Variants in RAB44 observed in about 807,000 individuals in gnomAD.
RAB44 encodes the protein ras-related protein Rab-44.
A neutral mutation model predicts 93.3 loss-of-function variants in RAB44; 67 were observed. That is an observed-to-expected ratio of 0.72 (90% CI 0.59 to 0.88). RAB44 has a LOEUF of 0.88. Ranked by LOEUF, RAB44 falls within the 40% of genes least tolerant of loss-of-function variation. RAB44 has a pLI of 0.00. For synonymous variants in RAB44, 427 were observed against 520.3 expected (o/e 0.82, Z 2.44); for missense variants, 1,064 against 1,261.7 (o/e 0.84, Z 2.37).
At chr6:36,704,028 C>G (rs559134659) in intron 1 of RAB44, among the ~76,000 whole-genome samples, 196 bp from the exon 2 acceptor site, 2 of 152,238 alleles carry the variant, frequency 1.3e-5, no homozygotes, top group South Asian at 4.1e-4. Flanking sequence ...AGGGCAAAGG[C>G]GTTGAGCAGA....
Position 36,722,308 on chromosome 6 carries a change from C to T in RAB44, c.2174C>T (p.Pro725Leu), listed in dbSNP as rs1763110610. The T allele has an allele frequency of 1.5e-6, 2 of 1,319,548 alleles. No individual in the cohort carries two copies. The highest frequency in any genetic ancestry group is 1.9e-6 in the Non-Finnish European group (2 of 1,036,618). The allele number at this position is 1,319,548 out of a possible 1,614,324, so 81.7% of individuals were successfully genotyped here. A position where few individuals can be genotyped will look rare whatever the true frequency, so the allele number is the denominator to read the frequency against. The change falls in exon 9 of 14, where the codon CCA (proline) becomes CTA (leucine). Residue 725 changes from proline (P) to leucine (L), a missense_variant. Coordinates refer to ENST00000612677, the MANE Select transcript of RAB44 (RefSeq NM_001257357.2). ...CTTGTTTCTCTCCCATCTGCCACACCACAGGCTCAGGTGGAAGCAGAAGGC... is the reference window on the plus strand; with the variant it reads ...CTTGTTTCTCTCCCATCTGCCACACTACAGGCTCAGGTGGAAGCAGAAGGC... ...SLLVSLPSAT[P>L]QAQVEAEGPT...
chr6:36,713,782 G>T (rs1420158451), intron 2 of RAB44, 46 bp from the exon 3 acceptor site: 4 of 1,219,184 alleles, frequency 3.3e-6, no homozygotes, highest in Admixed American at 4.0e-5. Context: ...GAGGGTGAGA[G>T]CCTTCCCCGG....
intron 2 of RAB44, among the ~76,000 whole-genome samples, chr6:36,713,451 C>T (rs1762836118): frequency 6.6e-6 from 1 of 152,192 alleles, no homozygotes; most frequent in South Asian, 2.1e-4. Flanking sequence ...CCACCTCGAC[C>T]TCCCAAACTA....
intron 9 of RAB44, 157 bp from the exon 10 acceptor site, chr6:36,725,705 C>T (rs1007794433): frequency 1.6e-6 from 1 of 617,612 alleles, no homozygotes; most frequent in South Asian, 1.8e-5. Context: ...AGTGGGTCCT[C>T]GAGTATGGAT....
intron 10 of RAB44, among the ~76,000 whole-genome samples, chr6:36,726,253 T>C (rs1205014020): frequency 6.6e-6 from 1 of 152,190 alleles, no homozygotes; most frequent in Non-Finnish European, 1.5e-5. Context: ...CAAAAATTTT[T>C]TTTTCTTCTT....
At chr6:36,702,331 A>AGT (rs1562050610) in intron 1 of RAB44, among the ~76,000 whole-genome samples, 5 of 75,772 alleles carry the variant, frequency 6.6e-5, no homozygotes, top group Admixed American at 6.1e-4. Flanking sequence ...AGAGAGAGAG[A>AGT]GAGAGAGAAT....
chr6:36,698,396 C>A (rs1273400848), intron 1 of RAB44, among the ~76,000 whole-genome samples: 2 of 152,216 alleles, frequency 1.3e-5, no homozygotes, highest in African/African-American at 4.8e-5. Context: ...AGGTTGTAAT[C>A]TGCTGCTGCC....
intron 10 of RAB44, among the ~76,000 whole-genome samples, chr6:36,726,474 A>G (rs1763242480): frequency 6.6e-6 from 1 of 152,072 alleles, no homozygotes; most frequent in Non-Finnish European, 1.5e-5. Flanking sequence ...CGAACTCCTG[A>G]CCTCGTGATC....
intron 2 of RAB44, among the ~76,000 whole-genome samples, chr6:36,705,486 G>A (rs568461554): frequency 2.8e-5 from 4 of 144,314 alleles, no homozygotes; most frequent in African/African-American, 5.1e-5. Flanking sequence ...AGGTTCAAGC[G>A]ATTCTCCTGC....
At chr6:36,698,590 G>A (rs1582600453) in intron 1 of RAB44, among the ~76,000 whole-genome samples, 2 of 152,240 alleles carry the variant, frequency 1.3e-5, no homozygotes, top group Admixed American at 1.3e-4. Context: ...TGTGGGGAGA[G>A]GTGGTCATGC....
At chr6:36,730,967 G>A (rs918839662) in intron 13 of RAB44, among the ~76,000 whole-genome samples, 3 of 151,972 alleles carry the variant, frequency 2.0e-5, no homozygotes, top group South Asian at 2.1e-4. Flanking sequence ...CTTCCCGTTC[G>A]CTGAATCACT....
chr6:36,713,731 G>A, intron 2 of RAB44, 97 bp from the exon 3 acceptor site: 1 of 745,276 alleles, frequency 1.3e-6, no homozygotes, highest in Non-Finnish European at 2.3e-6. Flanking sequence ...TTGGGGTGAG[G>A]TGAGGTAGGG....
intron 12 of RAB44, among the ~76,000 whole-genome samples, chr6:36,730,219 C>G (rs577585138): frequency 6.6e-6 from 1 of 152,054 alleles, no homozygotes; most frequent in Admixed American, 6.5e-5. Flanking sequence ...GCCCCCGCCC[C>G]GTAAAAGGGT....
At chr6:36,719,771 G>T (rs1273043577) in intron 7 of RAB44, among the ~76,000 whole-genome samples, 1 of 152,234 alleles carries the variant, frequency 6.6e-6, no homozygotes, top group East Asian at 1.9e-4. Flanking sequence ...AGAGGGAACA[G>T]CAGGTGCGAA....
chr6:36,722,770 A>G (rs1202815859), intron 9 of RAB44, 37 bp downstream of exon 9: 2 of 1,548,982 alleles, frequency 1.3e-6, no homozygotes, highest in Admixed American at 2.0e-5. Flanking sequence ...GAGCAAGGAG[A>G]GACGCAGGGG....
In RAB44 at chr6:36,722,259, G is replaced by A; in HGVS notation, c.2125G>A (p.Glu709Lys). Residue 709 changes from glutamate to lysine, a missense_variant, in exon 9 of 14, where the codon GAA (glutamate) becomes AAA (lysine). Transcript: ENST00000612677. ...EAHGLETAHS[E>K]LPQQDSLLVS... ...TCACGGCCTAGAAACTGCGCATTCGGAACTCCCCCAGCAAGACTCTCTGCT... is the reference window on the plus strand; with the variant it reads ...TCACGGCCTAGAAACTGCGCATTCGAAACTCCCCCAGCAAGACTCTCTGCT... The A allele has an allele frequency of 7.8e-7, 1 of 1,275,970 alleles. No individual in the cohort carries two copies. Among genetic ancestry groups the A allele is most frequent in the Admixed American group, 3.8e-5 (1 of 26,550 alleles). The allele number at this position is 1,275,970 out of a possible 1,614,324, so 79.0% of individuals were successfully genotyped here. A position where few individuals can be genotyped will look rare whatever the true frequency, so the allele number is the denominator to read the frequency against.
intron 2 of RAB44, among the ~76,000 whole-genome samples, chr6:36,709,047 C>T (rs910427780): frequency 3.9e-5 from 6 of 152,092 alleles, no homozygotes; most frequent in East Asian, 1.9e-4. Context: ...TGGGTTCAAG[C>T]GATTCCCCTG....
intron 2 of RAB44, among the ~76,000 whole-genome samples, 162 bp from the exon 3 acceptor site, chr6:36,713,666 G>A (rs1371805596): frequency 6.6e-6 from 1 of 152,154 alleles, no homozygotes; most frequent in Non-Finnish European, 1.5e-5. Flanking sequence ...GCCTTGGGTG[G>A]GGTTGGGAAT....
chr6:36,726,409 T>G (rs1763241180), intron 10 of RAB44, among the ~76,000 whole-genome samples: 1 of 152,166 alleles, frequency 6.6e-6, no homozygotes, highest in African/African-American at 2.4e-5. Flanking sequence ...CACATCCAGC[T>G]AATTTTTGTA....
Sources: gnomAD v4.1 joint callset for allele counts (sites outside exome capture counted in the v4.1 genomes callset) on GRCh38, gnomAD v4.1.1 for gene constraint, MANE v1.5 for transcripts, NCBI Gene and HGNC (gene_info 2026-07-23, HGNC 2026-07-21) for gene names.